Variants in KIF6 observed in about 807,000 individuals in gnomAD.
KIF6 encodes the protein kinesin-like protein KIF6.
KIF6 carries 106 observed loss-of-function variants against 112.7 expected under a neutral mutation model. The ratio of observed to expected loss-of-function variants is 0.94; its 90% CI spans 0.80 to 1.11. The LOEUF is 1.11. Ranked by LOEUF, KIF6 falls within the 50% of genes least tolerant of loss-of-function variation. KIF6 has a pLI of 0.00. For synonymous variants in KIF6, 339 were observed against 339.9 expected, an observed-to-expected ratio of 1.00 and a Z score of 0.03; for missense variants, 929 against 964.0, an observed-to-expected ratio of 0.96 and a Z score of 0.48.
At chr6:39,348,862 G>A (rs554824165) in intron 19 of KIF6, among the ~76,000 whole-genome samples, 10 of 152,324 alleles carry the variant, frequency 6.6e-5, no homozygotes, top group South Asian at 2.1e-4. Flanking sequence ...TCTGGAGCTC[G>A]GGCAGCAACA....
Position 39,343,039 on chromosome 6 carries a change from A to G in KIF6, c.2428+670T>C. On this transcript the variant is annotated intron_variant, in intron 22 of 22. Coordinates refer to ENST00000287152, the MANE Select transcript of KIF6 (RefSeq NM_145027.6). This position sits in a 1 kb window ranked among gnomAD's most constrained non-coding sequence, Gnocchi z 4.1. The stretch of plus-strand genomic sequence containing the variant: ...CTAAGACAAAATGCAGGCCTGGGGT[A>G]AGGGGCCCTGGGGCTTGCCCTGTGG... The G allele has an allele frequency of 2.0e-6, 2 of 985,338 alleles. No homozygotes were observed. The highest frequency in any genetic ancestry group is 2.4e-6 in the Non-Finnish European group (2 of 829,882). 61.0% of individuals were successfully genotyped at this position (985,338 alleles called of 1,614,324 possible). A position where few individuals can be genotyped will look rare whatever the true frequency, so the allele number is the denominator to read the frequency against.
chr6:39,391,378 T>A (rs2150323924), intron 15 of KIF6, among the ~76,000 whole-genome samples: 1 of 152,286 alleles, frequency 6.6e-6, no homozygotes, highest in South Asian at 2.1e-4. Flanking sequence ...AGGGGACTGA[T>A]GAAACGTGCA....
At chr6:39,711,190 C>A (rs537819684) in intron 3 of KIF6, among the ~76,000 whole-genome samples, 3 of 97,266 alleles carry the variant, frequency 3.1e-5, no homozygotes, top group Admixed American at 1.1e-4. Flanking sequence ...GATAAGAATA[C>A]ATGAAAAAAA....
intron 13 of KIF6, among the ~76,000 whole-genome samples, chr6:39,485,510 C>T (rs985784259): frequency 9.2e-5 from 14 of 152,070 alleles, no homozygotes; most frequent in Admixed American, 7.9e-4. Flanking sequence ...AACTTTGATC[C>T]CCAGCACTTA....
At chr6:39,464,276 G>A (rs1773658559) in intron 13 of KIF6, among the ~76,000 whole-genome samples, 1 of 152,146 alleles carries the variant, frequency 6.6e-6, no homozygotes, top group South Asian at 2.1e-4. Context: ...TAGTCTATCA[G>A]GCATTTGGAG....
intron 6 of KIF6, among the ~76,000 whole-genome samples, chr6:39,610,822 G>T (rs746860842): frequency 1.3e-5 from 2 of 152,092 alleles, no homozygotes; most frequent in Non-Finnish European, 2.9e-5. Context: ...TATTACCAAA[G>T]AAAAGACAAA....
chr6:39,373,506 G>A (rs1766194544), intron 16 of KIF6, among the ~76,000 whole-genome samples: 1 of 152,068 alleles, frequency 6.6e-6, no homozygotes, highest in South Asian at 2.1e-4. Flanking sequence ...TGGTTGATAA[G>A]TGAGTTCAGT....
chr6:39,684,093 T>C (rs553973357), intron 3 of KIF6, among the ~76,000 whole-genome samples: 2 of 152,332 alleles, frequency 1.3e-5, no homozygotes, highest in South Asian at 4.1e-4. Flanking sequence ...GTTTCCACTG[T>C]GTTCAATCTA....
intron 22 of KIF6, among the ~76,000 whole-genome samples, chr6:39,341,973 A>C (rs969340353): frequency 6.6e-6 from 1 of 152,220 alleles, no homozygotes; most frequent in Non-Finnish European, 1.5e-5. Flanking sequence ...ATATCACTCC[A>C]TGGTTAAAAT....
intron 16 of KIF6, among the ~76,000 whole-genome samples, chr6:39,374,799 G>T (rs931245290): frequency 6.6e-6 from 1 of 152,220 alleles, no homozygotes; most frequent in Non-Finnish European, 1.5e-5. Context: ...AGTTGTCATA[G>T]AAAGCAGTAT....
chr6:39,487,365 T>C (rs749596626), intron 13 of KIF6, among the ~76,000 whole-genome samples: 132 of 152,274 alleles, frequency 8.7e-4, no homozygotes, highest in Middle Eastern at 3.4e-3. Flanking sequence ...TGCTACTGCC[T>C]CATCCAAAGT....
At chr6:39,461,426 A>G (rs111833713) in intron 13 of KIF6, among the ~76,000 whole-genome samples, 3,389 of 152,284 alleles carry the variant, frequency 0.022, 66 homozygotes, top group Non-Finnish European at 0.029. Flanking sequence ...GCAGTGGCCA[A>G]TGAAACTATG....
intron 10 of KIF6, among the ~76,000 whole-genome samples, chr6:39,551,816 G>A (rs1280516658): frequency 1.3e-5 from 2 of 152,176 alleles, no homozygotes. Context: ...TCAACCCTCT[G>A]TGGGTTAAAA....
At chr6:39,684,637 A>G (rs1787746493) in intron 3 of KIF6, among the ~76,000 whole-genome samples, 3 of 149,608 alleles carry the variant, frequency 2.0e-5, no homozygotes, top group Non-Finnish European at 1.5e-5. Flanking sequence ...AAAAAATACA[A>G]AAATTAGCTG....
At chr6:39,621,820 T>C (rs1471473491) in intron 5 of KIF6, among the ~76,000 whole-genome samples, 3 of 152,158 alleles carry the variant, frequency 2.0e-5, no homozygotes, top group African/African-American at 7.2e-5. Flanking sequence ...TTGCTAATAT[T>C]TTAGGTTAAA....
rs566760250 is a variant in KIF6 at position 39,548,320 on chromosome 6, T to C, written c.1182-2632A>G. Among the ~76,000 whole-genome samples the C allele has an allele frequency of 7.9e-5, 12 of 152,306 alleles. No individual in the cohort carries two copies. In the East Asian group the frequency reaches 1.9e-3, roughly 25 times the overall value. On this transcript the variant is annotated intron_variant, in intron 10 of 22. Coordinates refer to ENST00000287152, the MANE Select transcript of KIF6 (RefSeq NM_145027.6). Reference sequence around the variant, plus strand: ...ACGTGCACTGGGCTTTGGTATTCCATCAAGGCTCCTCTCCCACACAGCAAC... The same window carrying C: ...ACGTGCACTGGGCTTTGGTATTCCACCAAGGCTCCTCTCCCACACAGCAAC...
intron 10 of KIF6, among the ~76,000 whole-genome samples, chr6:39,569,236 A>G (rs1043013534): frequency 6.6e-6 from 1 of 152,234 alleles, no homozygotes; most frequent in Non-Finnish European, 1.5e-5. Flanking sequence ...AAGTACTGAC[A>G]AGAGACTGTC....
At chr6:39,711,193 GA>G (rs914442680) in intron 3 of KIF6, among the ~76,000 whole-genome samples, 6 of 73,202 alleles carry the variant, frequency 8.2e-5, no homozygotes, top group South Asian at 8.1e-4. Context: ...AAGAATACAT[GA>G]AAAAAAAATC....
intron 13 of KIF6, among the ~76,000 whole-genome samples, chr6:39,460,413 T>C (rs1358115382): frequency 1.5e-5 from 2 of 132,510 alleles, no homozygotes; most frequent in African/African-American, 3.0e-5. Flanking sequence ...TTGGGAGATA[T>C]ACCTAATGCT....
Sources: allele counts gnomAD v4.1 joint callset (sites outside exome capture counted in the v4.1 genomes callset), GRCh38; gene constraint gnomAD v4.1.1; non-coding constraint Gnocchi (gnomAD v3.1); transcripts MANE v1.5; gene names NCBI Gene and HGNC (gene_info 2026-07-23, HGNC 2026-07-21).